Variants in UNC5C observed in about 807,000 individuals in gnomAD.
The protein encoded by UNC5C is netrin receptor UNC5C.
Under a neutral mutation model 99.8 loss-of-function variants are expected in UNC5C, and 47 were observed. The ratio of observed to expected loss-of-function variants is 0.47; its 90% CI spans 0.37 to 0.60. The LOEUF (loss-of-function observed/expected upper bound fraction) is 0.60. UNC5C is among the 20% of genes least tolerant of loss of function. UNC5C has a pLI of 0.00. For missense variants in UNC5C, 1,062 were observed against 1,165.9 expected, an observed-to-expected ratio of 0.91 and a Z score of 1.30; for synonymous variants, 487 against 452.2, an observed-to-expected ratio of 1.08 and a Z score of -0.98.
At chr4:95,248,247 T>C in intron 5 of UNC5C, 1 of 265,916 alleles carries the variant, frequency 3.8e-6, no homozygotes, top group East Asian at 1.3e-4. Context: ...ATTAAATTGG[T>C]GTAACACAAA....
chr4:95,224,248 A>C (rs1738588194), intron 7 of UNC5C, among the ~76,000 whole-genome samples: 1 of 152,210 alleles, frequency 6.6e-6, no homozygotes. Context: ...GCGCCACTGC[A>C]CTCCAGCCTG....
chr4:95,192,216 G>T (rs111161432), intron 12 of UNC5C, among the ~76,000 whole-genome samples: 1 of 124,042 alleles, frequency 8.1e-6, no homozygotes, highest in Admixed American at 7.9e-5. Flanking sequence ...CACCTCTTTT[G>T]CTCGCCCTCC....
intron 2 of UNC5C, among the ~76,000 whole-genome samples, chr4:95,323,768 T>C (rs1742784032): frequency 6.6e-6 from 1 of 152,206 alleles, no homozygotes; most frequent in African/African-American, 2.4e-5. Context: ...TCAGGTGCGG[T>C]GGCTCATGCC....
At chr4:95,433,103 C>T (rs1215968997) in intron 1 of UNC5C, among the ~76,000 whole-genome samples, 1 of 152,094 alleles carries the variant, frequency 6.6e-6, no homozygotes, top group Admixed American at 6.6e-5. Flanking sequence ...CTCCTTTCTG[C>T]CACACTGACA....
chr4:95,372,417 A>G (rs554835934), intron 1 of UNC5C, among the ~76,000 whole-genome samples: 2 of 152,350 alleles, frequency 1.3e-5, no homozygotes, highest in South Asian at 2.1e-4. Flanking sequence ...AAATGCAGAC[A>G]TAATGGTCTC....
At chr4:95,295,676 C>T (rs544769186) in intron 3 of UNC5C, among the ~76,000 whole-genome samples, 82 of 152,266 alleles carry the variant, frequency 5.4e-4, no homozygotes, top group Middle Eastern at 3.4e-3. Context: ...AGTTTAGCAT[C>T]GTGGTGATCT....
chr4:95,530,234 ATGAT>A (rs1227863048), intron 1 of UNC5C, among the ~76,000 whole-genome samples: 1 of 152,232 alleles, frequency 6.6e-6, no homozygotes, highest in Non-Finnish European at 1.5e-5. Flanking sequence ...AGTGCAGTGA[ATGAT>A]TGACTTTTCC....
Position 95,369,014 on chromosome 4 carries a change from T to C in UNC5C, c.125-33383A>G, listed in dbSNP as rs1744663515. On this transcript the variant is annotated intron_variant, in intron 1 of 15. Transcript: ENST00000453304. ...CTCACTGCATCCTCGACATCCACTA[T>C]ATCTAGCTAAATTTTGAATTTGTTT... Among the ~76,000 whole-genome samples the C allele has an allele frequency of 2.6e-5, 4 of 151,920 alleles. No homozygotes were observed. The South Asian group carries it at 8.3e-4, about 32-fold the overall frequency.
At chr4:95,478,609 A>G (rs994602746) in intron 1 of UNC5C, among the ~76,000 whole-genome samples, 1 of 151,976 alleles carries the variant, frequency 6.6e-6, no homozygotes, top group Admixed American at 6.6e-5. Context: ...CCCCACAAGC[A>G]ATTCAGTTAG....
At chr4:95,402,647 C>T (rs1745732210) in intron 1 of UNC5C, among the ~76,000 whole-genome samples, 2 of 152,154 alleles carry the variant, frequency 1.3e-5, no homozygotes, top group Non-Finnish European at 2.9e-5. Flanking sequence ...CAAGCTATAG[C>T]AACCCTCTAT....
At chr4:95,270,988 G>T (rs897034564) in intron 4 of UNC5C, among the ~76,000 whole-genome samples, 3 of 152,136 alleles carry the variant, frequency 2.0e-5, no homozygotes, top group African/African-American at 7.2e-5. Flanking sequence ...CATGCTTTTT[G>T]CTCTCTCTGA....
intron 1 of UNC5C, among the ~76,000 whole-genome samples, chr4:95,372,224 T>C (rs1744769551): frequency 6.6e-6 from 1 of 152,220 alleles, no homozygotes; most frequent in Non-Finnish European, 1.5e-5. Context: ...TGCCCGTATT[T>C]CATCTTTTGA....
At chr4:95,240,104 A>G (rs575534757) in intron 7 of UNC5C, among the ~76,000 whole-genome samples, 85 of 152,336 alleles carry the variant, frequency 5.6e-4, no homozygotes, top group African/African-American at 1.9e-3. Context: ...TTATTAATGC[A>G]TTCCAGACAC....
chr4:95,380,696 C>A (rs1464711610), intron 1 of UNC5C, among the ~76,000 whole-genome samples: 1 of 152,148 alleles, frequency 6.6e-6, no homozygotes, highest in African/African-American at 2.4e-5. Flanking sequence ...ATTTTTCTTA[C>A]CTTTCTGTGT....
chr4:95,250,072 G>T (rs185159734), intron 5 of UNC5C, among the ~76,000 whole-genome samples: 37 of 152,240 alleles, frequency 2.4e-4, no homozygotes, highest in Non-Finnish European at 4.7e-4. Context: ...GAAGCAGCAG[G>T]CACTCAGGTA....
chr4:95,177,281 G>T (rs928320506), intron 14 of UNC5C, among the ~76,000 whole-genome samples: 2 of 152,188 alleles, frequency 1.3e-5, no homozygotes, highest in African/African-American at 4.8e-5. Context: ...CACGTAACTT[G>T]TTGGTGTTCC....
At chr4:95,266,897 G>C (rs1462225612) in intron 4 of UNC5C, among the ~76,000 whole-genome samples, 1 of 152,106 alleles carries the variant, frequency 6.6e-6, no homozygotes, top group Non-Finnish European at 1.5e-5. Flanking sequence ...TTATAATCCA[G>C]TTTTATCTTG....
intron 1 of UNC5C, among the ~76,000 whole-genome samples, chr4:95,371,598 CTTG>C (rs1744751347): frequency 6.6e-6 from 1 of 152,080 alleles, no homozygotes; most frequent in Admixed American, 6.6e-5. Context: ...CTCTCTGTGT[CTTG>C]TTTTTTTCAC....
chr4:95,448,236 G>GAGAGAGAGAGAGAGAGAGAGAC (rs1747175088), intron 1 of UNC5C, among the ~76,000 whole-genome samples: 1 of 145,994 alleles, frequency 6.8e-6, no homozygotes, highest in African/African-American at 2.5e-5. Context: ...GTGAGAGAGA[G>GAGAGAGAGAGAGAGAGAGAGAC]AGAGAGAGAG....
Sources: allele counts gnomAD v4.1 joint callset (sites outside exome capture counted in the v4.1 genomes callset), GRCh38; gene constraint gnomAD v4.1.1; transcripts MANE v1.5; gene names NCBI Gene and HGNC (gene_info 2026-07-23, HGNC 2026-07-21).